GCNT2: variants seen among roughly 807,000 people sequenced by gnomAD.
GCNT2 encodes the protein N-acetyllactosaminide beta-1,6-N-acetylglucosaminyl-transferase.
Under a neutral mutation model 34.2 loss-of-function variants are expected in GCNT2, and 34 were observed. That is an observed-to-expected ratio of 1.00 (90% CI 0.76 to 1.32). The LOEUF (loss-of-function observed/expected upper bound fraction) is 1.32, where lower values mean the gene tolerates loss of function less well. Among genes scored for constraint, GCNT2 ranks in the 40% most tolerant of loss-of-function variants. The probability of loss-of-function intolerance (pLI) is 0.00; values close to 1 mark genes in which losing one functional copy is unlikely to be tolerated. For synonymous variants in GCNT2, 212 were observed against 188.0 expected, an observed-to-expected ratio of 1.13 and a Z score of -1.04; for missense variants, 584 against 489.4, an observed-to-expected ratio of 1.19 and a Z score of -1.82.
intron 3 of GCNT2, chr6:10,581,802 T>A: frequency 5.1e-6 from 5 of 985,050 alleles, no homozygotes; most frequent in Non-Finnish European, 6.0e-6. Flanking sequence ...AACTTTCCCC[T>A]TCTGTTCTCC....
At chr6:10,589,458 A>G (rs1165712844) in intron 3 of GCNT2, among the ~76,000 whole-genome samples, 1 of 151,512 alleles carries the variant, frequency 6.6e-6, no homozygotes, top group Non-Finnish European at 1.5e-5. Context: ...CAACTATGTG[A>G]GGCTTGTCAG....
intron 4 of GCNT2, among the ~76,000 whole-genome samples, chr6:10,625,974 T>C (rs1275460802): frequency 3.3e-5 from 5 of 152,218 alleles, no homozygotes; most frequent in African/African-American, 1.2e-4. Flanking sequence ...AAAAGATATA[T>C]GCTCTCTTTC....
intron 3 of GCNT2, among the ~76,000 whole-genome samples, chr6:10,538,437 A>AAAAAAAATAT (rs1554127249): frequency 2.7e-5 from 2 of 73,356 alleles, no homozygotes; most frequent in Non-Finnish European, 4.3e-5. Context: ...AAAAAAAAAA[A>AAAAAAAATAT]ATATATATAT....
chr6:10,603,038 A>G (rs1765146600), intron 3 of GCNT2, among the ~76,000 whole-genome samples: 1 of 152,236 alleles, frequency 6.6e-6, no homozygotes, highest in Non-Finnish European at 1.5e-5. Flanking sequence ...ATCTGAATAA[A>G]TAGATGGCAG....
intron 3 of GCNT2, among the ~76,000 whole-genome samples, chr6:10,617,521 C>T (rs1301295833): frequency 2.0e-5 from 3 of 152,168 alleles, no homozygotes; most frequent in Admixed American, 1.3e-4. Context: ...GTGCCAAGGC[C>T]GAGGAGGTGC....
intron 4 of GCNT2, among the ~76,000 whole-genome samples, chr6:10,623,357 T>G (rs946527008): frequency 6.6e-6 from 1 of 151,222 alleles, no homozygotes; most frequent in African/African-American, 2.4e-5. Flanking sequence ...AGTGGCACAA[T>G]CTCGGCTCAC....
intron 3 of GCNT2, among the ~76,000 whole-genome samples, chr6:10,548,446 TA>T (rs1224705363): frequency 1.3e-5 from 2 of 152,186 alleles, no homozygotes; most frequent in Non-Finnish European, 2.9e-5. Context: ...CCTGAGTGAT[TA>T]GGGGCAAACA....
intron 3 of GCNT2, among the ~76,000 whole-genome samples, chr6:10,576,751 A>AG (rs1172095366): frequency 6.6e-6 from 1 of 152,074 alleles, no homozygotes; most frequent in Non-Finnish European, 1.5e-5. Context: ...ATCAGAAAAG[A>AG]GGAAAAAGTG....
At chr6:10,575,206 T>C in intron 3 of GCNT2, 1 of 376,554 alleles carries the variant, frequency 2.7e-6, no homozygotes, top group Non-Finnish European at 5.1e-6. Flanking sequence ...GTGCCTCTCC[T>C]CTTTTCCTTT....
At chr6:10,574,344 G>A (rs560370312) in intron 3 of GCNT2, among the ~76,000 whole-genome samples, 29 of 152,244 alleles carry the variant, frequency 1.9e-4, no homozygotes, top group Middle Eastern at 3.4e-3. Context: ...AACTCTCACC[G>A]CCTTGTGAGG....
intron 3 of GCNT2, among the ~76,000 whole-genome samples, chr6:10,536,906 C>T (rs1263399650): frequency 6.6e-6 from 1 of 151,922 alleles, no homozygotes; most frequent in Non-Finnish European, 1.5e-5. Context: ...GCTGGGACTA[C>T]AGGCGCCCGC....
chr6:10,535,769 G>C (rs1761723555), intron 3 of GCNT2, among the ~76,000 whole-genome samples: 1 of 152,188 alleles, frequency 6.6e-6, no homozygotes, highest in South Asian at 2.1e-4. Context: ...TTTGTGGGCG[G>C]TGGGAGGAAG....
intron 3 of GCNT2, among the ~76,000 whole-genome samples, chr6:10,588,484 A>G (rs1764452090): frequency 6.6e-6 from 1 of 152,218 alleles, no homozygotes; most frequent in South Asian, 2.1e-4. Context: ...AGCTTTTCAT[A>G]GGCAAAGCTG....
At chr6:10,526,451 C>T (rs895254352) in intron 1 of GCNT2, among the ~76,000 whole-genome samples, 4 of 152,154 alleles carry the variant, frequency 2.6e-5, no homozygotes, top group African/African-American at 9.7e-5. Flanking sequence ...AGGAATAACT[C>T]CAGGTTCTAA....
At chr6:10,557,416 T>A (rs1762772465) in intron 3 of GCNT2, 1 of 1,142,810 alleles carries the variant, frequency 8.8e-7, no homozygotes, top group East Asian at 2.3e-5. Context: ...CCAGCCACTT[T>A]TTATTAGGAA....
chr6:10,555,964 A>G, intron 3 of GCNT2: 1 of 1,032,230 alleles, frequency 9.7e-7, no homozygotes, highest in Admixed American at 5.1e-5. Context: ...ACTAGCAGGA[A>G]GCGGCACGCC....
chr6:10,595,397 C>T (rs868335637), intron 3 of GCNT2, among the ~76,000 whole-genome samples: 1 of 152,012 alleles, frequency 6.6e-6, no homozygotes, highest in South Asian at 2.1e-4. Flanking sequence ...CCTGCCTCAG[C>T]CTCCCAAGTA....
intron 3 of GCNT2, among the ~76,000 whole-genome samples, chr6:10,598,970 T>G (rs1405887176): frequency 6.6e-6 from 1 of 152,170 alleles, no homozygotes; most frequent in South Asian, 2.1e-4. Flanking sequence ...TAAGTGTAAA[T>G]AAGTGTTGTA....
chr6:10,626,232 C>T (rs1260126210), intron 4 of GCNT2, among the ~76,000 whole-genome samples, 185 bp from the exon 5 acceptor site: 1 of 151,932 alleles, frequency 6.6e-6, no homozygotes. Flanking sequence ...ATATTTGTAC[C>T]TCTTGTTCTT....
Sources: allele counts gnomAD v4.1 joint callset (sites outside exome capture counted in the v4.1 genomes callset), GRCh38; gene constraint gnomAD v4.1.1; transcripts MANE v1.5; gene names NCBI Gene and HGNC (gene_info 2026-07-23, HGNC 2026-07-21).